Variants in INTS1 observed in about 807,000 individuals in gnomAD.
INTS1 encodes the protein integrator complex subunit 1.
A neutral mutation model predicts 241.6 loss-of-function variants in INTS1; 137 were observed. That is an observed-to-expected ratio of 0.57 (90% confidence interval 0.49 to 0.65). The LOEUF (loss-of-function observed/expected upper bound fraction) is 0.65. INTS1 is among the 30% of genes least tolerant of loss of function. INTS1 has a pLI of 0.00. For synonymous variants in INTS1, 1,692 were observed against 1,337.8 expected, an observed-to-expected ratio of 1.26 and a Z score of -5.78; for missense variants, 3,073 against 3,032.2, an observed-to-expected ratio of 1.01 and a Z score of -0.32.
intron 1 of INTS1, 106 bp from the exon 2 acceptor site, chr7:1,504,107 G>A (rs550772099): frequency 1.5e-5 from 9 of 618,250 alleles, no homozygotes; most frequent in Non-Finnish European, 2.2e-5. Context: ...GGGGACAGTG[G>A]TCCCGCGCCC....
In INTS1 at chr7:1,498,418, C is replaced by A; in HGVS notation, c.1419G>T (p.Ala473=). 6.2e-7 allele frequency: 1 copy of A among 1,613,726 alleles called. No individual in the cohort carries two copies. The highest frequency in any genetic ancestry group is 8.5e-7 in the Non-Finnish European group (1 of 1,179,822). The change falls in exon 10 of 48, where the codon GCG becomes GCT. Residue 473 remains alanine, a synonymous_variant. Coordinates refer to ENST00000404767, the MANE Select transcript of INTS1 (RefSeq NM_001080453.3). ...YTALQHSSEL[A]PKFLAMVFQD... ...CCAGGGACCCTGGGCCTACCTTGGG[C>A]GCCAGCTCTGAGCTGTGCTGCAGTG...
rs1271185207 is a variant in INTS1 at position 1,482,702 on chromosome 7, C to T, written c.3547G>A (p.Asp1183Asn). The change falls in exon 27 of 48, where the codon GAC becomes AAC. Residue 1183 changes from aspartate to asparagine, a missense_variant. By Grantham distance (23) the Asp-to-Asn change is conservative. Coordinates refer to ENST00000404767, the MANE Select transcript of INTS1 (RefSeq NM_001080453.3). ...TCCAGCAGCGCCTGGAACTCGCTGT[C>T]GTCGGCTTCAGGAAGGACAACGGGT... The part of the protein sequence containing the change: ...LLTLGPPRAD[D>N]SEFQALLDIW... The T allele has an allele frequency of 9.3e-6, 15 of 1,612,430 alleles. No homozygotes were observed. The highest frequency in any genetic ancestry group is 1.3e-5 in the African/African-American group (1 of 74,954).
intron 38 of INTS1, 62 bp from the exon 39 acceptor site, chr7:1,476,133 CG>C: frequency 6.6e-7 from 1 of 1,524,252 alleles, no homozygotes; most frequent in Non-Finnish European, 8.8e-7. Context: ...GGTGGGTGGA[CG>C]GGACCAGGCG....
At position 1,493,191 on chromosome 7, in the gene INTS1, C is replaced by T. The variant is rs1052751979; in HGVS notation, c.2069-85G>A. ...GCGAGGGAACCGGCCCTGCTCGGGC[C>T]GCGTCGGGGTGGGGTGGGGGATGCC... On this transcript the variant is annotated intron_variant, in intron 15 of 47. Coordinates refer to ENST00000404767, the MANE Select transcript of INTS1 (RefSeq NM_001080453.3). The surrounding 1 kb of genome is among the most constrained non-coding windows in gnomAD (Gnocchi z 5.3). The T allele has an allele frequency of 1.0e-5, 8 of 765,338 alleles. No homozygotes were observed. The highest frequency in any genetic ancestry group is 2.7e-4 in the Middle Eastern group (1 of 3,638). The allele number at this position is 765,338 out of a possible 1,614,324, so 47.4% of individuals were successfully genotyped here. A position where few individuals can be genotyped will look rare whatever the true frequency, so the allele number is the denominator to read the frequency against.
chr7:1,495,728 C>T (rs1304334474), intron 12 of INTS1, among the ~76,000 whole-genome samples, 175 bp from the exon 13 acceptor site: 10 of 152,230 alleles, frequency 6.6e-5, no homozygotes, highest in East Asian at 1.9e-4. Context: ...GTGACCCTGA[C>T]GCGTGCGTGG....
At chr7:1,503,870 C>CCCCCAAAGAT in intron 2 of INTS1, 33 bp downstream of exon 2, 2 of 1,522,646 alleles carry the variant, frequency 1.3e-6, no homozygotes, top group South Asian at 1.2e-5. Context: ...CCCCCAAAGA[C>CCCCCAAAGAT]CCCCGGGCTG....
At chr7:1,487,262 G>T (rs917964152) in intron 20 of INTS1, 58 bp downstream of exon 20, 3 of 1,545,702 alleles carry the variant, frequency 1.9e-6, no homozygotes, top group Admixed American at 3.9e-5. Flanking sequence ...CAAGGCCTCC[G>T]GAAGGTTCCG....
At chr7:1,484,783 T>C (rs1487621633) in intron 24 of INTS1, among the ~76,000 whole-genome samples, 2 of 152,086 alleles carry the variant, frequency 1.3e-5, no homozygotes, top group African/African-American at 4.8e-5. Context: ...GAGTGGTGAC[T>C]AAGGAAGGGA....
intron 30 of INTS1, among the ~76,000 whole-genome samples, chr7:1,480,079 G>T (rs892321807): frequency 1.1e-4 from 17 of 152,272 alleles, no homozygotes; most frequent in African/African-American, 4.1e-4. Flanking sequence ...CAGGGAGGAT[G>T]CAGGGCGACC....
Position 1,496,232 on chromosome 7 carries a change from CAGGACGTCG to C in INTS1, c.1626_1634del (p.Asp543_Leu545del). ...TGATGCCCAGCATCATGGACACGGCCAGGACGTCGGTGATGTGCACCACGAAGCGCTCCT... is the reference window on the plus strand; with the variant it reads ...TGATGCCCAGCATCATGGACACGGCCGTGATGTGCACCACGAAGCGCTCCT... On this transcript the variant is annotated inframe_deletion, in exon 12 of 48. Coordinates refer to ENST00000404767, the MANE Select transcript of INTS1 (RefSeq NM_001080453.3). 6.2e-7 allele frequency: 1 copy of C among 1,613,802 alleles called. No homozygotes were observed. Among genetic ancestry groups the C allele is most frequent in the Non-Finnish European group, 8.5e-7 (1 of 1,179,822 alleles).
chr7:1,485,461 C>T lies in INTS1; in HGVS notation c.2985G>A (p.Ser995=), dbSNP rs190236314. 275 of 1,612,234 alleles carry T rather than the reference C, an allele frequency of 1.7e-4. 1 individual carries two copies. The East Asian group carries it at 4.4e-3, about 26-fold the overall frequency. The change falls in exon 23 of 48, where the codon TCG becomes TCA. Residue 995 remains serine, a synonymous_variant. Coordinates refer to ENST00000404767, the MANE Select transcript of INTS1 (RefSeq NM_001080453.3). ...ASRVLAMKGL[S]LVLSEGSLRD... Reference sequence around the variant, plus strand: ...GCAGGCTGCCCTCCGAAAGCACCAGCGACAAACCCTGTGGCAGACACTCAT... The same window carrying T: ...GCAGGCTGCCCTCCGAAAGCACCAGTGACAAACCCTGTGGCAGACACTCAT...
chr7:1,478,007 A>G, intron 33 of INTS1, 71 bp from the exon 34 acceptor site: 1 of 1,310,418 alleles, frequency 7.6e-7, no homozygotes, highest in Non-Finnish European at 1.1e-6. Flanking sequence ...GGTGTGGGCT[A>G]GCCAGGGTGG....
intron 41 of INTS1, among the ~76,000 whole-genome samples, chr7:1,473,897 G>A (rs1460226741): frequency 6.6e-6 from 1 of 152,254 alleles, no homozygotes; most frequent in Non-Finnish European, 1.5e-5. Context: ...CATGTGCCCA[G>A]ATGGATGAGG....
At position 1,493,710 on chromosome 7, in the gene INTS1, G is replaced by A. The variant is rs774742048; in HGVS notation, c.2068+44C>T. On this transcript the variant is annotated intron_variant, in intron 15 of 47. Transcript: ENST00000404767. This position sits in a 1 kb window ranked among gnomAD's most constrained non-coding sequence, Gnocchi z 5.3. ...GAGCCGGGGTTTCTGCAGGGACGAG[G>A]GGAGCAGACCCAGCACAGGCGCCAT... 1.3e-6 allele frequency: 2 copies of A among 1,534,760 alleles called. No individual in the cohort carries two copies. The highest frequency in any genetic ancestry group is 8.8e-7 in the Non-Finnish European group (1 of 1,138,050).
chr7:1,484,204 G>C (rs535898249), intron 24 of INTS1, 34 bp from the exon 25 acceptor site: 1 of 1,584,940 alleles, frequency 6.3e-7, no homozygotes, highest in Admixed American at 1.7e-5. Context: ...CAGAGGCTCC[G>C]AGACAGCTCT....
Position 1,489,579 on chromosome 7 carries a change from G to T in INTS1, c.2257+12C>A. 4 of 1,568,342 alleles carry T rather than the reference G, an allele frequency of 2.6e-6. No individual in the cohort carries two copies. The highest frequency in any genetic ancestry group is 3.5e-6 in the Non-Finnish European group (4 of 1,155,256). ...GCCACGTGTGCGCATGGGGCGGCCAGCAGAGGCTCACCGATGTTCTCTGGG... is the reference window on the plus strand; with the variant it reads ...GCCACGTGTGCGCATGGGGCGGCCATCAGAGGCTCACCGATGTTCTCTGGG... On this transcript the variant is annotated intron_variant, in intron 17 of 47. Coordinates refer to ENST00000404767, the MANE Select transcript of INTS1 (RefSeq NM_001080453.3).
Position 1,476,550 on chromosome 7 carries a change from G to A in INTS1, c.5151+20C>T. 1 of 1,611,886 alleles carries A rather than the reference G, an allele frequency of 6.2e-7. No homozygotes were observed. Among genetic ancestry groups the A allele is most frequent in the Non-Finnish European group, 8.5e-7 (1 of 1,179,650 alleles). ...ATGGGCCACCCCCTCTCCCGGATGG[G>A]CCACCCTCCCAAGACCTGCCTGCGG... On this transcript the variant is annotated intron_variant, in intron 37 of 47. Transcript: ENST00000404767.
At position 1,487,428 on chromosome 7, in the gene INTS1, G is replaced by C. The variant is rs373157582; in HGVS notation, c.2538C>G (p.Pro846=). 1.3e-5 allele frequency: 21 copies of C among 1,611,948 alleles called. No individual in the cohort carries two copies. The highest frequency in any genetic ancestry group is 1.8e-5 in the Non-Finnish European group (21 of 1,179,516). Reference sequence around the variant, plus strand: ...TTTTCACTTGATCCAGGATGTGAGGGGGAGGCCTCCGGGGGGGCCCCCTGA... The same window carrying C: ...TTTTCACTTGATCCAGGATGTGAGGCGGAGGCCTCCGGGGGGGCCCCCTGA... ...LDPQGPPRRP[P]PHILDQVKSL... Residue 846 remains proline (P), a synonymous_variant, in exon 20 of 48, where the codon CCC becomes CCG. Coordinates refer to ENST00000404767, the MANE Select transcript of INTS1 (RefSeq NM_001080453.3).
Position 1,485,470 on chromosome 7 carries a change from C to T in INTS1, c.2977-1G>A. 1 of 1,611,860 alleles carries T rather than the reference C, an allele frequency of 6.2e-7. No individual in the cohort carries two copies. The highest frequency in any genetic ancestry group is 1.1e-5 in the South Asian group (1 of 91,050). Reference sequence around the variant, plus strand: ...CCTCCGAAAGCACCAGCGACAAACCCTGTGGCAGACACTCATGAGCTGGGC... The same window carrying T: ...CCTCCGAAAGCACCAGCGACAAACCTTGTGGCAGACACTCATGAGCTGGGC... On this transcript the variant is annotated splice_acceptor_variant, in intron 22 of 47. Coordinates refer to ENST00000404767, the MANE Select transcript of INTS1 (RefSeq NM_001080453.3). LOFTEE classifies it high-confidence loss of function.
Sources: gnomAD v4.1 joint callset for allele counts (sites outside exome capture counted in the v4.1 genomes callset) on GRCh38, gnomAD v4.1.1 for gene constraint, Gnocchi (gnomAD v3.1) non-coding constraint, MANE v1.5 for transcripts, NCBI Gene and HGNC (gene_info 2026-07-23, HGNC 2026-07-21) for gene names.